PRR16: variants seen among roughly 807,000 people sequenced by gnomAD.
PRR16 encodes the protein proline rich 16.
In PRR16, 6 loss-of-function variants were observed where a neutral mutation model predicts 18.2. The ratio of observed to expected loss-of-function variants is 0.33; its 90% CI spans 0.18 to 0.65. The LOEUF (loss-of-function observed/expected upper bound fraction) is 0.65, where lower values mean the gene tolerates loss of function less well. Among genes scored for constraint, PRR16 ranks in the 30% least tolerant of loss-of-function variants. The pLI, the probability that PRR16 is intolerant of heterozygous loss-of-function variation, is 0.74. For missense variants in PRR16, 412 were observed against 376.6 expected (o/e 1.09, Z -0.78); for synonymous variants, 151 against 147.8 (o/e 1.02, Z -0.16).
chr5:120,543,816 A>G (rs1751991218), intron 1 of PRR16, among the ~76,000 whole-genome samples: 1 of 152,192 alleles, frequency 6.6e-6, no homozygotes, highest in African/African-American at 2.4e-5. Context: ...CTTACTTCTC[A>G]TCATGGAGCT....
chr5:120,533,074 A>C (rs1751602940), intron 1 of PRR16, among the ~76,000 whole-genome samples: 1 of 152,162 alleles, frequency 6.6e-6, no homozygotes, highest in Non-Finnish European at 1.5e-5. Flanking sequence ...GGCTACGGCA[A>C]CTGCACTCTA....
the PRR16 span, among the ~76,000 whole-genome samples, chr5:120,713,379 T>A: frequency 2.0e-5 from 3 of 152,110 alleles, no homozygotes; most frequent in African/African-American, 7.2e-5. Context: ...GAAAAGAACA[T>A]CCTGACTAAT....
chr5:120,493,007 G>C (rs562478294), intron 1 of PRR16, among the ~76,000 whole-genome samples: 1 of 152,284 alleles, frequency 6.6e-6, no homozygotes, highest in African/African-American at 2.4e-5. Flanking sequence ...TGTTAATTGT[G>C]CTGCTATAAA....
the PRR16 span, among the ~76,000 whole-genome samples, chr5:120,731,553 T>TC: frequency 1.3e-5 from 2 of 152,188 alleles, no homozygotes; most frequent in African/African-American, 4.8e-5. Context: ...AAGGCTTGTT[T>TC]CCACCCCTGA....
chr5:120,766,119 C>T, the PRR16 span, among the ~76,000 whole-genome samples: 1 of 151,886 alleles, frequency 6.6e-6, no homozygotes, highest in East Asian at 1.9e-4. Context: ...GTATTATACA[C>T]AAAAAATGGA....
At chr5:120,624,472 A>G (rs76991166) in intron 1 of PRR16, among the ~76,000 whole-genome samples, 326 of 152,226 alleles carry the variant, frequency 2.1e-3, no homozygotes, top group African/African-American at 7.4e-3. Context: ...TCTACTTCTA[A>G]AAGAGATAGC....
the PRR16 span, among the ~76,000 whole-genome samples, chr5:120,702,565 C>T: frequency 1.3e-5 from 2 of 152,066 alleles, no homozygotes; most frequent in Admixed American, 6.6e-5. Flanking sequence ...GGTCTGACAC[C>T]TTTGAAACAT....
intron 1 of PRR16, among the ~76,000 whole-genome samples, chr5:120,477,539 C>T (rs1362528002): frequency 1.3e-5 from 2 of 152,186 alleles, no homozygotes; most frequent in Non-Finnish European, 2.9e-5. Flanking sequence ...CCAAGCCACA[C>T]TTTATTTCTC....
At chr5:120,746,442 T>G in the PRR16 span, among the ~76,000 whole-genome samples, 1 of 150,642 alleles carries the variant, frequency 6.6e-6, no homozygotes, top group Admixed American at 6.6e-5. Context: ...ATTTTTTTTT[T>G]TAGTGAAGTG....
the PRR16 span, among the ~76,000 whole-genome samples, chr5:120,736,509 C>T: frequency 6.7e-6 from 1 of 149,450 alleles, no homozygotes; most frequent in African/African-American, 2.5e-5. Flanking sequence ...AAGTGACCCG[C>T]CCTCCTCGGC....
At chr5:120,586,418 C>T (rs1023693865) in intron 1 of PRR16, among the ~76,000 whole-genome samples, 1 of 152,014 alleles carries the variant, frequency 6.6e-6, no homozygotes, top group Non-Finnish European at 1.5e-5. Context: ...TTTTGTGCTT[C>T]AGTTATTGTG....
chr5:120,703,029 T>C, the PRR16 span, among the ~76,000 whole-genome samples: 1 of 152,146 alleles, frequency 6.6e-6, no homozygotes, highest in African/African-American at 2.4e-5. Flanking sequence ...TTATTTCACC[T>C]GGGTGCAGGC....
chr5:120,779,118 G>T, the PRR16 span, among the ~76,000 whole-genome samples: 1 of 151,964 alleles, frequency 6.6e-6, no homozygotes. Context: ...ATTAGATTCC[G>T]CAGGGTTTAA....
At chr5:120,773,495 T>C in the PRR16 span, among the ~76,000 whole-genome samples, 1 of 152,182 alleles carries the variant, frequency 6.6e-6, no homozygotes, top group Non-Finnish European at 1.5e-5. Context: ...TCTAGCTTTC[T>C]TTTCAAAAGG....
At chr5:120,664,105 C>T (rs978194505) in intron 1 of PRR16, among the ~76,000 whole-genome samples, 11 of 152,026 alleles carry the variant, frequency 7.2e-5, no homozygotes, top group Non-Finnish European at 1.3e-4. Flanking sequence ...TCGAGACCAG[C>T]CTTACCAACA....
rs56039793 is a variant in PRR16 at position 120,550,974 on chromosome 5, A to G, written c.159+86329A>G. Among the ~76,000 whole-genome samples, 1,434 of 151,988 alleles carry G rather than the reference A, an allele frequency of 9.4e-3. 26 individuals carry two copies. Among genetic ancestry groups the G allele is most frequent in the African/African-American group, 0.033 (1,369 of 41,530 alleles). On this transcript the variant is annotated intron_variant, in intron 1 of 1. Transcript: ENST00000407149. The stretch of plus-strand genomic sequence containing the variant: ...ATGTGACGTTCTGATACATGTAGAC[A>G]TTGTGAAGTGATTCATACAATCAAG...
At chr5:120,585,712 G>A (rs768759310) in intron 1 of PRR16, among the ~76,000 whole-genome samples, 1 of 150,776 alleles carries the variant, frequency 6.6e-6, no homozygotes, top group Non-Finnish European at 1.5e-5. Flanking sequence ...CATAATATTT[G>A]CATTCCATGA....
At chr5:120,768,572 G>T in the PRR16 span, among the ~76,000 whole-genome samples, 2 of 151,454 alleles carry the variant, frequency 1.3e-5, no homozygotes, top group South Asian at 4.2e-4. Flanking sequence ...ATAAGTATGG[G>T]GAGAATAATA....
At chr5:120,617,159 A>G in intron 1 of PRR16, 1 of 985,414 alleles carries the variant, frequency 1.0e-6, no homozygotes, top group South Asian at 4.7e-5. Flanking sequence ...GCAGGCATAC[A>G]GTGACAACAG....
Sources: gnomAD v4.1 joint callset for allele counts (sites outside exome capture counted in the v4.1 genomes callset) on GRCh38, gnomAD v4.1.1 for gene constraint, MANE v1.5 for transcripts, NCBI Gene and HGNC (gene_info 2026-07-23, HGNC 2026-07-21) for gene names.